The following DIAPH1 variants were observed in gnomAD, a reference collection of about 807,000 sequenced individuals.
DIAPH1 encodes diaphanous related formin 1.
DIAPH1 carries 46 observed loss-of-function variants against 140.7 expected under a neutral mutation model. The ratio of observed to expected loss-of-function variants is 0.33; its 90% CI spans 0.26 to 0.42. DIAPH1 has a LOEUF of 0.42. Among genes scored for constraint, DIAPH1 ranks in the 10% least tolerant of loss-of-function variants. DIAPH1 has a pLI of 1.00. For missense variants in DIAPH1, 1,310 were observed against 1,558.7 expected (o/e 0.84, Z 2.69); for synonymous variants, 565 against 551.6 (o/e 1.02, Z -0.34).
intron 18 of DIAPH1, among the ~76,000 whole-genome samples, chr5:141,535,864 C>A (rs1339317278): frequency 3.3e-5 from 5 of 152,216 alleles, no homozygotes; most frequent in African/African-American, 1.2e-4. Flanking sequence ...GGTGTTTGAA[C>A]ACGACAGTGG....
intron 1 of DIAPH1, among the ~76,000 whole-genome samples, chr5:141,591,695 G>GATAGATATATATATATATATATATATAT (rs1554210985): frequency 9.3e-5 from 8 of 86,348 alleles, no homozygotes; most frequent in African/African-American, 4.6e-4. Flanking sequence ...GGGAGATGGG[G>GATAGATATATATATATATATATATATAT]ATATATATAT....
At chr5:141,520,573 C>T (rs918899998) in intron 27 of DIAPH1, among the ~76,000 whole-genome samples, 5 of 152,164 alleles carry the variant, frequency 3.3e-5, no homozygotes, top group African/African-American at 7.2e-5. Context: ...CAGATGCTGG[C>T]GCCATGCTTT....
At position 141,573,969 on chromosome 5, in the gene DIAPH1, G is replaced by A. The variant is rs542557565; in HGVS notation, c.1881C>T (p.Ile627=). The change falls in exon 16 of 28, where the codon ATC becomes ATT. Residue 627 remains isoleucine, a synonymous_variant. Transcript: ENST00000389054. ...CTCCAGGTAAAGAAGGGGGTGAGGA[G>A]ATGCAAACACCCCCAGGCAAAGGAG... ...PPPPLPGGVC[I]SSPPSLPGGT... is the part of the protein sequence containing the mutation. 7.1e-6 allele frequency: 11 copies of A among 1,549,740 alleles called. No homozygotes were observed. Among genetic ancestry groups the A allele is most frequent in the Admixed American group, 3.9e-5 (2 of 50,724 alleles).
intron 7 of DIAPH1, among the ~76,000 whole-genome samples, chr5:141,581,722 A>G (rs1010236415): frequency 6.6e-6 from 1 of 152,176 alleles, no homozygotes; most frequent in Admixed American, 6.5e-5. Flanking sequence ...TGCAGAGACA[A>G]TAACTACAGG....
intron 18 of DIAPH1, among the ~76,000 whole-genome samples, chr5:141,554,294 A>G (rs2099892208): frequency 6.6e-6 from 1 of 152,194 alleles, no homozygotes; most frequent in African/African-American, 2.4e-5. Flanking sequence ...CTCCCCCCAA[A>G]AAAAGGAATA....
chr5:141,550,813 T>C (rs2099891573), intron 18 of DIAPH1, among the ~76,000 whole-genome samples: 1 of 152,126 alleles, frequency 6.6e-6, no homozygotes, highest in Non-Finnish European at 1.5e-5. Flanking sequence ...CAAACCTGCT[T>C]GAGAGGATTG....
chr5:141,577,975 G>T, intron 11 of DIAPH1: 1 of 576,954 alleles, frequency 1.7e-6, no homozygotes, highest in South Asian at 2.0e-5. Flanking sequence ...TCACATTCTA[G>T]GAAGTTTACA....
intron 18 of DIAPH1, among the ~76,000 whole-genome samples, chr5:141,554,404 T>C (rs1347312012): frequency 6.6e-6 from 1 of 152,152 alleles, no homozygotes; most frequent in Non-Finnish European, 1.5e-5. Context: ...ACCAGTCCTA[T>C]AACCATAAAA....
In DIAPH1 at chr5:141,573,614, C is replaced by T. The variant is rs1258812442; in HGVS notation, c.2236G>A (p.Gly746Ser). Residue 746 changes from glycine to serine, a missense_variant, in exon 16 of 28, where the codon GGT becomes AGT. Coordinates refer to ENST00000389054, the MANE Select transcript of DIAPH1 (RefSeq NM_005219.5). Reference protein sequence around the residue: ...PGIPPPPPGMGMPPPPPFGFG... With the variant: ...PGIPPPPPGMSMPPPPPFGFG... Reference sequence around the variant, plus strand: ...CCAAATGGGGGAGGTGGAGGCATACCCATTCCGGGTGGAGGTGGAGGAATG... The same window carrying T: ...CCAAATGGGGGAGGTGGAGGCATACTCATTCCGGGTGGAGGTGGAGGAATG... 6.2e-7 allele frequency: 1 copy of T among 1,613,484 alleles called. No homozygotes were observed. Among genetic ancestry groups the T allele is most frequent in the Non-Finnish European group, 8.5e-7 (1 of 1,179,916 alleles).
intron 18 of DIAPH1, among the ~76,000 whole-genome samples, chr5:141,552,688 ACTC>A (rs1197442070): frequency 6.6e-6 from 1 of 152,154 alleles, no homozygotes; most frequent in Non-Finnish European, 1.5e-5. Context: ...AAACTAATAC[ACTC>A]AATATATATG....
intron 27 of DIAPH1, among the ~76,000 whole-genome samples, chr5:141,519,942 G>A (rs755466336): frequency 1.3e-4 from 20 of 152,180 alleles, no homozygotes; most frequent in Non-Finnish European, 2.1e-4. Flanking sequence ...GTGGGAAAAG[G>A]GAACAATGTT....
intron 19 of DIAPH1, among the ~76,000 whole-genome samples, chr5:141,531,640 A>C (rs1425338276): frequency 6.6e-6 from 1 of 152,030 alleles, no homozygotes; most frequent in Non-Finnish European, 1.5e-5. Flanking sequence ...GGCGTGCTCC[A>C]CCATGCCCAG....
rs757781927 is a variant in DIAPH1 at position 141,528,592 on chromosome 5, A to G, written c.3019-10T>C. 1.9e-6 allele frequency: 3 copies of G among 1,614,218 alleles called. No homozygotes were observed. Among genetic ancestry groups the G allele is most frequent in the Non-Finnish European group, 2.5e-6 (3 of 1,180,036 alleles). On this transcript the variant is annotated splice_polypyrimidine_tract_variant and intron_variant, in intron 22 of 27. Transcript: ENST00000389054. The stretch of plus-strand genomic sequence containing the variant: ...ACTTGGTGTCTCGAAGCTTAGAGAA[A>G]GAGGAGAAACTGTTAAATCCTGACA...
chr5:141,615,613 G>A (rs1185158931), intron 1 of DIAPH1, among the ~76,000 whole-genome samples: 2 of 151,384 alleles, frequency 1.3e-5, no homozygotes, highest in East Asian at 2.0e-4. Flanking sequence ...CGTGGTGGCA[G>A]GTGCCTGTAG....
chr5:141,575,013 G>A lies in DIAPH1; in HGVS notation c.1595C>T (p.Thr532Ile), dbSNP rs1446595487. 3 of 1,614,140 alleles carry A rather than the reference G, an allele frequency of 1.9e-6. No homozygotes were observed. Among genetic ancestry groups the A allele is most frequent in the Non-Finnish European group, 2.5e-6 (3 of 1,180,042 alleles). Residue 532 changes from threonine to isoleucine, a missense_variant, in exon 15 of 28, where the codon ACA becomes ATA. Thr to Ile is a moderately conservative substitution (Grantham distance 89). Around this residue, in one of 3 missense-constraint regions of DIAPH1, gnomAD observed 589 missense variants for 549.3 expected, o/e 1.07. Coordinates refer to ENST00000389054, the MANE Select transcript of DIAPH1 (RefSeq NM_005219.5). The part of the protein sequence containing the change: ...ALHSEKQQIA[T>I]EKQDLEAEVS... ...CTCTGCTTCCAGGTCCTGTTTCTCT[G>A]TGGCAATTTGCTGCTTTTCAGAATG...
chr5:141,519,298 C>T (rs1161622139), intron 27 of DIAPH1, among the ~76,000 whole-genome samples: 1 of 152,152 alleles, frequency 6.6e-6, no homozygotes, highest in Non-Finnish European at 1.5e-5. Context: ...TTCTCATATC[C>T]AGAAGGGTAG....
intron 17 of DIAPH1, chr5:141,571,705 C>CA: frequency 1.5e-6 from 1 of 679,720 alleles, no homozygotes; most frequent in Non-Finnish European, 2.7e-6. Flanking sequence ...TATACTGATA[C>CA]AAAATACCTA....
intron 2 of DIAPH1, 72 bp from the exon 3 acceptor site, chr5:141,587,269 AC>A: frequency 6.7e-7 from 1 of 1,484,152 alleles, no homozygotes; most frequent in Non-Finnish European, 9.3e-7. Context: ...CAAATTCTTT[AC>A]CCCTTTAACC....
At chr5:141,560,625 C>G (rs1195609925) in intron 18 of DIAPH1, 1 of 178,656 alleles carries the variant, frequency 5.6e-6, no homozygotes, top group Non-Finnish European at 1.2e-5. Flanking sequence ...GGCAAAGTAC[C>G]TTCATCTTTT....
Sources: gnomAD v4.1 joint callset for allele counts (sites outside exome capture counted in the v4.1 genomes callset) on GRCh38, gnomAD v4.1.1 for gene constraint, gnomAD v4.1.1 regional missense constraint, MANE v1.5 for transcripts, NCBI Gene and HGNC (gene_info 2026-07-23, HGNC 2026-07-21) for gene names.